Variants in UNC119B observed in about 807,000 individuals in gnomAD.
UNC119B encodes the protein protein unc-119 homolog B.
In UNC119B, 16 loss-of-function variants were observed where a neutral mutation model predicts 23.4. The ratio of observed to expected loss-of-function variants is 0.68; its 90% confidence interval spans 0.46 to 1.04. The LOEUF (loss-of-function observed/expected upper bound fraction) is 1.04, where lower values mean the gene tolerates loss of function less well. UNC119B is among the 50% of genes least tolerant of loss of function. The pLI, the probability that UNC119B is intolerant of heterozygous loss-of-function variation, is 0.00. For missense variants in UNC119B, 350 were observed against 361.3 expected (o/e 0.97, Z 0.25); for synonymous variants, 144 against 145.4 (o/e 0.99, Z 0.07).
intron 2 of UNC119B, 56 bp from the exon 3 acceptor site, chr12:120,716,572 A>C: frequency 6.3e-7 from 1 of 1,586,576 alleles, no homozygotes; most frequent in Admixed American, 1.7e-5. Flanking sequence ...TGGTGATAGA[A>C]CTCTTGGATT....
rs1882950681 is a variant in UNC119B at position 120,723,195 on chromosome 12, AGTGAG to A, written c.*3166_*3170del. 2 of 154,766 alleles carry A rather than the reference AGTGAG, an allele frequency of 1.3e-5. No homozygotes were observed. 9.6% of individuals were successfully genotyped at this position (154,766 alleles called of 1,614,324 possible). ...TGATGGCCAGTGTCACTATGATGTC[AGTGAG>A]GTCTGGGGATGAGGACAGTGTGTCC... On this transcript the variant is annotated 3_prime_UTR_variant, in exon 5 of 5. Coordinates refer to ENST00000344651, the MANE Select transcript of UNC119B (RefSeq NM_001080533.3).
chr12:120,711,501 C>T (rs770152864), intron 1 of UNC119B: 1 of 152,240 alleles, frequency 6.6e-6, no homozygotes, highest in Non-Finnish European at 1.5e-5. Context: ...GTTGCCCAGT[C>T]CCTGCCCTGG....
At chr12:120,715,353 G>C (rs748165948) in intron 2 of UNC119B, among the ~76,000 whole-genome samples, 3 of 152,152 alleles carry the variant, frequency 2.0e-5, no homozygotes, top group Non-Finnish European at 4.4e-5. Flanking sequence ...CCCCTACTCA[G>C]CCTGGTTGCC....
chr12:120,719,822 T>G lies in UNC119B; in HGVS notation c.644-98T>G, dbSNP rs1258048278. 6 of 789,882 alleles carry G rather than the reference T, an allele frequency of 7.6e-6. No homozygotes were observed. In the East Asian group the frequency reaches 1.3e-4, roughly 17 times the overall value. 48.9% of individuals were successfully genotyped at this position (789,882 alleles called of 1,614,324 possible). A position where few individuals can be genotyped will look rare whatever the true frequency, so the allele number is the denominator to read the frequency against. Reference sequence around the variant, plus strand: ...CAGAGTATACTCTGAAGCGCTGGCTTATTTTGGAGGGGATGCAAAGTTTTC... The same window carrying G: ...CAGAGTATACTCTGAAGCGCTGGCTGATTTTGGAGGGGATGCAAAGTTTTC... On this transcript the variant is annotated intron_variant, in intron 4 of 4. Coordinates refer to ENST00000344651, the MANE Select transcript of UNC119B (RefSeq NM_001080533.3).
Position 120,714,510 on chromosome 12 carries a change from G to A in UNC119B, c.358+1123G>A, listed in dbSNP as rs141960704. The stretch of plus-strand genomic sequence containing the variant: ...TAATTTCTGTATTTTTAATAGAGAC[G>A]GGATTTCACCATGTTGGTCAGGCTG... On this transcript the variant is annotated intron_variant, in intron 2 of 4. Transcript: ENST00000344651. Among the ~76,000 whole-genome samples, 166 of 152,172 alleles carry A rather than the reference G, an allele frequency of 1.1e-3. No homozygotes were observed. In the East Asian group the frequency reaches 0.031, roughly 28 times the overall value.
chr12:120,715,638 A>G (rs1028291752), intron 2 of UNC119B, among the ~76,000 whole-genome samples: 5 of 140,982 alleles, frequency 3.5e-5, no homozygotes, highest in Admixed American at 8.0e-5. Context: ...GGTTCAAGCA[A>G]TTCTCCTGCC....
intron 1 of UNC119B, chr12:120,711,265 T>A (rs1351540097): frequency 1.3e-5 from 2 of 152,332 alleles, no homozygotes; most frequent in Non-Finnish European, 2.9e-5. Flanking sequence ...TGCAGATGGG[T>A]TCTTCCTCAA....
chr12:120,710,492 G>A lies in UNC119B; in HGVS notation c.18G>A (p.Pro6=), dbSNP rs769602278. 5 of 1,351,222 alleles carry A rather than the reference G, an allele frequency of 3.7e-6. No homozygotes were observed. The South Asian group carries it at 5.6e-5, about 15-fold the overall frequency. 83.7% of individuals were successfully genotyped at this position (1,351,222 alleles called of 1,614,324 possible). A position where few individuals can be genotyped will look rare whatever the true frequency, so the allele number is the denominator to read the frequency against. Residue 6 remains proline (P), a synonymous_variant, in exon 1 of 5, where the codon CCG becomes CCA. Transcript: ENST00000344651. MSGSN[P]KAAAAASAAG... The stretch of plus-strand genomic sequence containing the variant: ...GCGGAGCGATGAGCGGGTCTAACCC[G>A]AAGGCTGCGGCCGCGGCGTCGGCGG...
chr12:120,711,371 C>T (rs1882665012), intron 1 of UNC119B: 1 of 152,256 alleles, frequency 6.6e-6, no homozygotes, highest in African/African-American at 2.4e-5. Context: ...ACATGTGAAT[C>T]CTGCTTTTGA....
At chr12:120,718,238 A>T (rs56273049) in intron 4 of UNC119B, among the ~76,000 whole-genome samples, 57,136 of 151,960 alleles carry the variant, frequency 0.38, 11,177 homozygotes, top group Middle Eastern at 0.48. Flanking sequence ...CCTAAGGGAG[A>T]TAAAAGGAGG....
intron 2 of UNC119B, 30 bp from the exon 3 acceptor site, chr12:120,716,598 G>A: frequency 6.2e-7 from 1 of 1,610,170 alleles, no homozygotes. Flanking sequence ...TGTCGAGATG[G>A]TGCACTGAAG....
rs1882865501 is a variant in UNC119B, at chr12:120,720,228, C to CT, written c.*203dup. 10 of 573,124 alleles carry CT rather than the reference C, an allele frequency of 1.7e-5. No homozygotes were observed. The highest frequency in any genetic ancestry group is 1.5e-4 in the South Asian group (7 of 45,798). The allele number at this position is 573,124 out of a possible 1,614,324, so 35.5% of individuals were successfully genotyped here. ...TTTCTTCCCCAGTATTTTTTCTTCC[C>CT]TTTTTTTCCTGCCCCGTAGGTTGCA... is the stretch of plus-strand genomic sequence containing the variant. On this transcript the variant is annotated 3_prime_UTR_variant, in exon 5 of 5. Transcript: ENST00000344651.
rs139571852 is a variant in UNC119B at position 120,719,547 on chromosome 12, A to G, written c.644-373A>G. On this transcript the variant is annotated intron_variant, in intron 4 of 4. Transcript: ENST00000344651. ...AGAGGTGGGCCACTGACCAGAGGCCAGGGCTGGCTTTGGTCAGCTGAGAGC... is the reference window on the plus strand; with the variant it reads ...AGAGGTGGGCCACTGACCAGAGGCCGGGGCTGGCTTTGGTCAGCTGAGAGC... 5.1e-3 allele frequency among the ~76,000 whole-genome samples: 776 copies of G among 152,296 alleles called. 6 individuals carry two copies. The highest frequency in any genetic ancestry group is 0.018 in the African/African-American group (751 of 41,572).
At chr12:120,714,755 A>C (rs1196339004) in intron 2 of UNC119B, among the ~76,000 whole-genome samples, 1 of 125,676 alleles carries the variant, frequency 8.0e-6, no homozygotes, top group Non-Finnish European at 1.7e-5. Flanking sequence ...AGGTATGTGG[A>C]TTTGGATTAG....
Position 120,721,515 on chromosome 12 carries a change from G to A in UNC119B, c.*1483G>A, listed in dbSNP as rs1456419827. The A allele has an allele frequency of 6.6e-6, 1 of 152,390 alleles. No homozygotes were observed. Among genetic ancestry groups the A allele is most frequent in the African/African-American group, 2.4e-5 (1 of 41,462 alleles). The allele number at this position is 152,390 out of a possible 1,614,324, so 9.4% of individuals were successfully genotyped here. ...CCGTATGGGGGCCAGGGATGGAAGA[G>A]ACAGTGTGTGGCCACAGAAATTCCT... On this transcript the variant is annotated 3_prime_UTR_variant, in exon 5 of 5. Coordinates refer to ENST00000344651, the MANE Select transcript of UNC119B (RefSeq NM_001080533.3).
intron 1 of UNC119B, chr12:120,711,032 C>T (rs1882654929): frequency 1.3e-5 from 3 of 229,618 alleles, no homozygotes; most frequent in African/African-American, 2.3e-5. Context: ...CTGGATCCTC[C>T]TGAGCCGGCC....
In UNC119B at chr12:120,710,727, C is replaced by T. The variant is rs1357071788; in HGVS notation, c.244+9C>T. 4.4e-6 allele frequency: 6 copies of T among 1,359,142 alleles called. No homozygotes were observed. Among genetic ancestry groups the T allele is most frequent in the Admixed American group, 3.6e-5 (1 of 27,562 alleles). The allele number at this position is 1,359,142 out of a possible 1,614,324, so 84.2% of individuals were successfully genotyped here. A position where few individuals can be genotyped will look rare whatever the true frequency, so the allele number is the denominator to read the frequency against. On this transcript the variant is annotated intron_variant, in intron 1 of 4. Coordinates refer to ENST00000344651, the MANE Select transcript of UNC119B (RefSeq NM_001080533.3). ...CAGCCGGGTCACCGAGAGTGAGTGC[C>T]GCGCGGGCCGCGCCCTCCCCTCGCG...
Position 120,710,462 on chromosome 12 carries a change from T to C in UNC119B, c.-13T>C. 7.8e-7 allele frequency: 1 copy of C among 1,284,904 alleles called. No individual in the cohort carries two copies. The highest frequency in any genetic ancestry group is 9.8e-7 in the Non-Finnish European group (1 of 1,017,452). The allele number at this position is 1,284,904 out of a possible 1,614,324, so 79.6% of individuals were successfully genotyped here. A position where few individuals can be genotyped will look rare whatever the true frequency, so the allele number is the denominator to read the frequency against. On this transcript the variant is annotated 5_prime_UTR_variant, in exon 1 of 5. Coordinates refer to ENST00000344651, the MANE Select transcript of UNC119B (RefSeq NM_001080533.3). Reference sequence around the variant, plus strand: ...CGCGCTGTGGAGGCGGCGGCCATCTTGGCGGCGGAGCGATGAGCGGGTCTA... The same window carrying C: ...CGCGCTGTGGAGGCGGCGGCCATCTCGGCGGCGGAGCGATGAGCGGGTCTA...
At chr12:120,716,522 G>A in intron 2 of UNC119B, 106 bp from the exon 3 acceptor site, 7 of 1,129,714 alleles carry the variant, frequency 6.2e-6, no homozygotes, top group Admixed American at 1.7e-5. Flanking sequence ...CTTCTTGTTG[G>A]TGTGGTTACT....
Sources: gnomAD v4.1 joint callset for allele counts (sites outside exome capture counted in the v4.1 genomes callset) on GRCh38, gnomAD v4.1.1 for gene constraint, MANE v1.5 for transcripts, NCBI Gene and HGNC (gene_info 2026-07-23, HGNC 2026-07-21) for gene names.